Variants in APBB2 observed in about 807,000 individuals in gnomAD.
APBB2 encodes the protein Fe65-like 1.
APBB2 carries 38 observed loss-of-function variants against 82.5 expected under a neutral mutation model. The observed-to-expected ratio is 0.46, with a 90% CI of 0.36 to 0.60. The LOEUF is 0.60. Among genes scored for constraint, APBB2 ranks in the 20% least tolerant of loss-of-function variants. The pLI is 0.00. For missense variants in APBB2, 772 were observed against 972.3 expected (o/e 0.79, Z 2.74); for synonymous variants, 341 against 368.2 (o/e 0.93, Z 0.85).
chr4:40,851,600 TC>T, intron 12 of APBB2, among the ~76,000 whole-genome samples: 1 of 151,978 alleles, frequency 6.6e-6, no homozygotes, highest in African/African-American at 2.4e-5. Context: ...AATTTATTCA[TC>T]CCCAGACAAG....
intron 7 of APBB2, chr4:40,935,393 A>G (rs1404082417): frequency 4.4e-6 from 2 of 458,236 alleles, no homozygotes; most frequent in East Asian, 3.6e-5. Flanking sequence ...TTAGAAGCAG[A>G]CAGTGAAGTT....
intron 2 of APBB2, among the ~76,000 whole-genome samples, chr4:41,131,631 A>ACGGC (rs1756008051): frequency 6.6e-6 from 1 of 152,358 alleles, no homozygotes; most frequent in East Asian, 1.9e-4. Flanking sequence ...AGAAGGAGAT[A>ACGGC]TGGCAAAAAT....
At chr4:41,181,324 T>C (rs992607372) in intron 1 of APBB2, among the ~76,000 whole-genome samples, 2 of 152,212 alleles carry the variant, frequency 1.3e-5, no homozygotes, top group African/African-American at 2.4e-5. Flanking sequence ...TTCCGCTCCC[T>C]TACCTTGGAT....
intron 10 of APBB2, among the ~76,000 whole-genome samples, chr4:40,895,865 C>T (rs1773522102): frequency 6.6e-6 from 1 of 152,182 alleles, no homozygotes; most frequent in African/African-American, 2.4e-5. Flanking sequence ...AGTTACTGTA[C>T]CCATGTTATA....
chr4:41,104,197 T>C (rs1283657645), intron 2 of APBB2, among the ~76,000 whole-genome samples: 1 of 152,202 alleles, frequency 6.6e-6, no homozygotes. Flanking sequence ...AAATAGCAAG[T>C]AAGAAAAGAG....
intron 7 of APBB2, among the ~76,000 whole-genome samples, chr4:40,942,872 A>T (rs530561814): frequency 2.6e-5 from 4 of 152,322 alleles, no homozygotes; most frequent in Admixed American, 2.6e-4. Flanking sequence ...ACTTCTGCCC[A>T]AATCACGGAA....
At chr4:41,003,304 T>C (rs1344638211) in intron 6 of APBB2, among the ~76,000 whole-genome samples, 1 of 152,182 alleles carries the variant, frequency 6.6e-6, no homozygotes, top group East Asian at 1.9e-4. Flanking sequence ...TCACAAGACC[T>C]GCAACTATGA....
intron 4 of APBB2, among the ~76,000 whole-genome samples, chr4:41,038,497 T>A (rs562991756): frequency 6.6e-6 from 1 of 152,260 alleles, no homozygotes; most frequent in African/African-American, 2.4e-5. Flanking sequence ...TTCCTCCCCA[T>A]ACATTGTCCC....
chr4:41,109,761 C>T (rs895977765), intron 2 of APBB2, among the ~76,000 whole-genome samples: 4 of 152,068 alleles, frequency 2.6e-5, no homozygotes, highest in Admixed American at 2.6e-4. Flanking sequence ...TGAGCCACTG[C>T]GCCTGGCCAA....
chr4:41,159,494 C>A (rs554666965), intron 1 of APBB2, among the ~76,000 whole-genome samples: 1 of 152,168 alleles, frequency 6.6e-6, no homozygotes. Flanking sequence ...GATGAGAAAA[C>A]TGAAATGGAA....
chr4:41,144,386 A>G (rs1760107972), intron 1 of APBB2, among the ~76,000 whole-genome samples: 1 of 152,244 alleles, frequency 6.6e-6, no homozygotes, highest in Non-Finnish European at 1.5e-5. Context: ...CATATAATCT[A>G]AAGACACCTA....
chr4:41,210,081 G>A (rs767654980), intron 1 of APBB2, among the ~76,000 whole-genome samples: 1 of 152,192 alleles, frequency 6.6e-6, no homozygotes, highest in Non-Finnish European at 1.5e-5. Context: ...AGAATCAAAT[G>A]CCACCACTGA....
intron 2 of APBB2, among the ~76,000 whole-genome samples, chr4:41,139,430 T>TA (rs1758471539): frequency 6.6e-6 from 1 of 151,940 alleles, no homozygotes; most frequent in Non-Finnish European, 1.5e-5. Context: ...CTCAAATGAG[T>TA]AAAAAACTTA....
intron 1 of APBB2, among the ~76,000 whole-genome samples, chr4:41,174,107 TC>T (rs1769092722): frequency 6.6e-6 from 1 of 152,186 alleles, no homozygotes; most frequent in East Asian, 1.9e-4. Context: ...CCGAAGCTGA[TC>T]ACTTTTTCAG....
At chr4:41,188,943 C>T (rs974095681) in intron 1 of APBB2, among the ~76,000 whole-genome samples, 1 of 152,146 alleles carries the variant, frequency 6.6e-6, no homozygotes, top group African/African-American at 2.4e-5. Context: ...TGGCAACATA[C>T]ATGGCTGGTA....
intron 1 of APBB2, among the ~76,000 whole-genome samples, chr4:41,154,590 C>G (rs1763018807): frequency 6.6e-6 from 1 of 151,942 alleles, no homozygotes; most frequent in Non-Finnish European, 1.5e-5. Context: ...TCCTGTCTCC[C>G]TGAAATGTGT....
intron 7 of APBB2, among the ~76,000 whole-genome samples, chr4:40,936,871 G>A (rs374967310): frequency 6.6e-6 from 1 of 152,176 alleles, no homozygotes; most frequent in Admixed American, 6.5e-5. Context: ...GCTCGGAGGA[G>A]CTATGAACCC....
At chr4:40,879,015 C>A (rs1360021379) in intron 12 of APBB2, among the ~76,000 whole-genome samples, 1 of 152,068 alleles carries the variant, frequency 6.6e-6, no homozygotes, top group African/African-American at 2.4e-5. Flanking sequence ...CCTTTTCAAA[C>A]AAGCACATCC....
At chr4:40,889,453 C>T (rs192221417) in intron 12 of APBB2, among the ~76,000 whole-genome samples, 4 of 152,256 alleles carry the variant, frequency 2.6e-5, no homozygotes, top group South Asian at 2.1e-4. Flanking sequence ...TCAGGAGAGC[C>T]GCCTCTCTGT....
Sources: gnomAD v4.1 joint callset for allele counts (sites outside exome capture counted in the v4.1 genomes callset) on GRCh38, gnomAD v4.1.1 for gene constraint, MANE v1.5 for transcripts, NCBI Gene and HGNC (gene_info 2026-07-23, HGNC 2026-07-21) for gene names.